CTNND2: variants seen among roughly 807,000 people sequenced by gnomAD.
The protein encoded by CTNND2 is catenin delta-2.
In CTNND2, 22 loss-of-function variants were observed where a neutral mutation model predicts 144.4. The observed-to-expected ratio is 0.15, with a 90% CI of 0.11 to 0.22. The LOEUF is 0.22. Ranked by LOEUF, CTNND2 falls within the 10% of genes least tolerant of loss-of-function variation. CTNND2 has a pLI of 1.00. For missense variants in CTNND2, 1,353 were observed against 1,618.8 expected (o/e 0.84, Z 2.82); for synonymous variants, 751 against 695.6 (o/e 1.08, Z -1.25).
rs1182748460 is a variant in CTNND2 at position 11,496,510 on chromosome 5, G to A, written c.287+68434C>T. ...CCAGGGCAGCAGCACTGGTTATATTGCATTCCATCAGAAAATGCACTTGGG... is the reference window on the plus strand; with the variant it reads ...CCAGGGCAGCAGCACTGGTTATATTACATTCCATCAGAAAATGCACTTGGG... On this transcript the variant is annotated intron_variant, in intron 3 of 21. Transcript: ENST00000304623. Among the ~76,000 whole-genome samples, 3 of 152,122 alleles carry A rather than the reference G, an allele frequency of 2.0e-5. No homozygotes were observed. The East Asian group carries it at 5.8e-4, about 29-fold the overall frequency.
At chr5:11,443,395 TGTGTGTGTGGGGGGGGTGTGTG>T in intron 3 of CTNND2, among the ~76,000 whole-genome samples, 1 of 59,266 alleles carries the variant, frequency 1.7e-5, no homozygotes, top group African/African-American at 8.0e-5. Context: ...GGGTGTGTGG[TGTGTGTGTGGGGGGGGTGTGTG>T]GTGTGTGTGT....
At chr5:11,043,066 T>G (rs1269020139) in intron 16 of CTNND2, among the ~76,000 whole-genome samples, 2 of 151,960 alleles carry the variant, frequency 1.3e-5, no homozygotes, top group African/African-American at 2.4e-5. Context: ...TATAAAATTT[T>G]TTATATCTAG....
intron 2 of CTNND2, among the ~76,000 whole-genome samples, chr5:11,578,302 T>C (rs1356185790): frequency 6.6e-6 from 1 of 152,222 alleles, no homozygotes; most frequent in Non-Finnish European, 1.5e-5. Flanking sequence ...ATATTGTTAC[T>C]CTATTTTATC....
rs376936209 is a variant in CTNND2 at position 11,182,062 on chromosome 5, G to T, written c.1975+17386C>A. Among the ~76,000 whole-genome samples, 10 of 138,074 alleles carry T rather than the reference G, an allele frequency of 7.2e-5. 1 individual carries two copies. In the East Asian group the frequency reaches 1.3e-3, roughly 19 times the overall value. 90.6% of individuals were successfully genotyped at this position (138,074 alleles called of 152,430 possible). A position where few individuals can be genotyped will look rare whatever the true frequency, so the allele number is the denominator to read the frequency against. On this transcript the variant is annotated intron_variant, in intron 11 of 21. Transcript: ENST00000304623. ...GGTGTGTGTGGGGTGTGTGTGGGGG[G>T]TGTGTGTGGTGTGTGTGGTATGTGT... is the stretch of plus-strand genomic sequence containing the variant.
intron 14 of CTNND2, among the ~76,000 whole-genome samples, chr5:11,108,862 T>C (rs1468332594): frequency 6.6e-6 from 1 of 152,188 alleles, no homozygotes; most frequent in African/African-American, 2.4e-5. Context: ...CACAGGATCG[T>C]TGGCCATAGA....
At chr5:11,503,047 A>G (rs746163586) in intron 3 of CTNND2, among the ~76,000 whole-genome samples, 1 of 152,238 alleles carries the variant, frequency 6.6e-6, no homozygotes, top group Non-Finnish European at 1.5e-5. Context: ...GAAACTATCA[A>G]TGAATGAAAC....
intron 16 of CTNND2, among the ~76,000 whole-genome samples, chr5:11,044,335 T>C (rs1256238055): frequency 2.0e-5 from 3 of 152,146 alleles, no homozygotes; most frequent in Admixed American, 1.3e-4. Flanking sequence ...GGTAGACAAG[T>C]AGCTTAACTA....
At chr5:11,495,915 G>A (rs942530127) in intron 3 of CTNND2, among the ~76,000 whole-genome samples, 6 of 152,170 alleles carry the variant, frequency 3.9e-5, no homozygotes, top group African/African-American at 7.2e-5. Flanking sequence ...CCAGTGGCCC[G>A]AAAGATGCTT....
chr5:11,220,592 G>A (rs188747862), intron 10 of CTNND2, among the ~76,000 whole-genome samples: 1 of 152,260 alleles, frequency 6.6e-6, no homozygotes, highest in African/African-American at 2.4e-5. Flanking sequence ...CAGTAGCAAC[G>A]ATAATCCCCA....
chr5:11,435,064 G>T (rs968956963), intron 3 of CTNND2, among the ~76,000 whole-genome samples: 3 of 151,644 alleles, frequency 2.0e-5, no homozygotes, highest in African/African-American at 7.3e-5. Context: ...GAGATAAATG[G>T]CTACCTTGAC....
At chr5:11,686,468 T>C (rs1784649061) in intron 2 of CTNND2, among the ~76,000 whole-genome samples, 1 of 152,116 alleles carries the variant, frequency 6.6e-6, no homozygotes, top group African/African-American at 2.4e-5. Flanking sequence ...TTCAATTGTA[T>C]AATAACAATG....
At chr5:11,240,015 C>T (rs918961848) in intron 9 of CTNND2, among the ~76,000 whole-genome samples, 1 of 152,060 alleles carries the variant, frequency 6.6e-6, no homozygotes, top group East Asian at 1.9e-4. Flanking sequence ...AAGGTGCTAA[C>T]GAATGAAGAA....
chr5:11,414,740 C>T (rs1418628019), intron 3 of CTNND2, among the ~76,000 whole-genome samples: 1 of 152,152 alleles, frequency 6.6e-6, no homozygotes, highest in Non-Finnish European at 1.5e-5. Flanking sequence ...TTCTGCTTCT[C>T]CACCTCCTCC....
chr5:11,405,437 G>A (rs1248663573), intron 5 of CTNND2, among the ~76,000 whole-genome samples: 2 of 152,036 alleles, frequency 1.3e-5, no homozygotes, highest in Non-Finnish European at 2.9e-5. Flanking sequence ...AAGAAATTAG[G>A]CCGGAGCAGT....
intron 2 of CTNND2, among the ~76,000 whole-genome samples, chr5:11,600,727 A>AAAAAAAAT (rs1779749006): frequency 6.6e-6 from 1 of 150,412 alleles, no homozygotes; most frequent in Non-Finnish European, 1.5e-5. Flanking sequence ...AAAAAAAAAA[A>AAAAAAAAT]TGAAGACTAG....
chr5:11,113,138 C>A (rs1019978103), intron 13 of CTNND2, among the ~76,000 whole-genome samples: 1 of 151,984 alleles, frequency 6.6e-6, no homozygotes. Flanking sequence ...GAGACTCCAT[C>A]TCAAAAAGAA....
chr5:11,371,964 TTCA>T (rs1007868818), intron 7 of CTNND2, among the ~76,000 whole-genome samples: 1 of 152,192 alleles, frequency 6.6e-6, no homozygotes, highest in African/African-American at 2.4e-5. Flanking sequence ...GCCCTCCTAT[TTCA>T]TCATATTTCA....
At chr5:11,380,438 A>T (rs1243264392) in intron 7 of CTNND2, among the ~76,000 whole-genome samples, 7 of 152,220 alleles carry the variant, frequency 4.6e-5, no homozygotes, top group Admixed American at 3.9e-4. Context: ...ATATGAATAG[A>T]TACAATGGTG....
At chr5:11,016,009 A>C (rs1580047678) in intron 18 of CTNND2, among the ~76,000 whole-genome samples, 1 of 152,370 alleles carries the variant, frequency 6.6e-6, no homozygotes, top group East Asian at 1.9e-4. Flanking sequence ...GGAAGGACTT[A>C]ACAGTTGTCC....
Sources: gnomAD v4.1 joint callset for allele counts (sites outside exome capture counted in the v4.1 genomes callset) on GRCh38, gnomAD v4.1.1 for gene constraint, MANE v1.5 for transcripts, NCBI Gene and HGNC (gene_info 2026-07-23, HGNC 2026-07-21) for gene names.